Variants in GLDN observed in about 807,000 individuals in gnomAD.
GLDN encodes gliomedin.
A neutral mutation model predicts 56.5 loss-of-function variants in GLDN; 47 were observed. That is an observed-to-expected ratio of 0.83 (90% CI 0.66 to 1.06). The LOEUF is 1.06. GLDN is among the 50% of genes least tolerant of loss of function. The pLI, the probability that GLDN is intolerant of heterozygous loss-of-function variation, is 0.00. For missense variants in GLDN, 782 were observed against 714.3 expected (o/e 1.09, Z -1.08); for synonymous variants, 332 against 278.8 (o/e 1.19, Z -1.90).
chr15:51,389,304 T>A (rs189950914), intron 4 of GLDN, among the ~76,000 whole-genome samples: 4 of 152,308 alleles, frequency 2.6e-5, no homozygotes, highest in Admixed American at 2.6e-4. Context: ...CAATAAATAA[T>A]TGATGAATGA....
At position 51,347,873 on chromosome 15, in the gene GLDN, T is replaced by A. The variant is rs1319851851; in HGVS notation, c.363+5826T>A. Among the ~76,000 whole-genome samples the A allele has an allele frequency of 2.6e-5, 4 of 152,192 alleles. No individual in the cohort carries two copies. The East Asian group carries it at 7.7e-4, about 29-fold the overall frequency. On this transcript the variant is annotated intron_variant, in intron 1 of 9. Coordinates refer to ENST00000335449, the MANE Select transcript of GLDN (RefSeq NM_181789.4). ...TAGCTGTAGAACAAGAATGAGGAAA[T>A]TCTCTATATAATAAGAGTCAGAACA... is the stretch of plus-strand genomic sequence containing the variant.
chr15:51,401,931 C>T (rs2038261265), intron 9 of GLDN, among the ~76,000 whole-genome samples, 188 bp downstream of exon 9: 1 of 152,200 alleles, frequency 6.6e-6, no homozygotes, highest in African/African-American at 2.4e-5. Flanking sequence ...CATGGCCCAG[C>T]CCCTGCCTGG....
intron 1 of GLDN, among the ~76,000 whole-genome samples, chr15:51,365,245 AT>A (rs944580740): frequency 2.6e-5 from 4 of 152,018 alleles, no homozygotes; most frequent in Non-Finnish European, 5.9e-5. Flanking sequence ...TTCATTTGTT[AT>A]TTAAATTTTT....
At position 51,407,254 on chromosome 15, in the gene GLDN, CT is replaced by C. The variant is rs1448475763; in HGVS notation, c.*2503del. The C allele has an allele frequency of 1.3e-5, 2 of 151,746 alleles. No homozygotes were observed. The highest frequency in any genetic ancestry group is 4.8e-5 in the African/African-American group (2 of 41,280). 9.4% of individuals were successfully genotyped at this position (151,746 alleles called of 1,614,324 possible). On this transcript the variant is annotated 3_prime_UTR_variant, in exon 10 of 10. Transcript: ENST00000335449. ...GCAGTGGGTAATCTTATCTGATTGT[CT>C]TTAAAAGTGAAAAGGATTAAGATTT...
At chr15:51,373,622 C>T (rs539052638) in intron 1 of GLDN, among the ~76,000 whole-genome samples, 1 of 152,298 alleles carries the variant, frequency 6.6e-6, no homozygotes, top group South Asian at 2.1e-4. Flanking sequence ...GTGAAGCTCA[C>T]CATGTAAAGA....
rs146814999 is a variant in GLDN at position 51,352,067 on chromosome 15, G to A, written c.363+10020G>A. ...AGGCTGCTATAACTAAATACCATAG[G>A]CTAGGTAGCTTATAAATGACTGAAA... On this transcript the variant is annotated intron_variant, in intron 1 of 9. Coordinates refer to ENST00000335449, the MANE Select transcript of GLDN (RefSeq NM_181789.4). Among the ~76,000 whole-genome samples, 60 of 152,086 alleles carry A rather than the reference G, an allele frequency of 3.9e-4. No individual in the cohort carries two copies. In the East Asian group the frequency reaches 0.01, roughly 26 times the overall value.
At chr15:51,373,122 A>G (rs1324119516) in intron 1 of GLDN, among the ~76,000 whole-genome samples, 1 of 152,194 alleles carries the variant, frequency 6.6e-6, no homozygotes, top group East Asian at 1.9e-4. Flanking sequence ...ATCATAGTAC[A>G]GGAGATGCAG....
In GLDN at chr15:51,404,300, C is replaced by T. The variant is rs371247851; in HGVS notation, c.1202C>T (p.Ser401Phe). The stretch of plus-strand genomic sequence containing the variant: ...AGATTTGAATTTGGCCAGGAAACAT[C>T]CCAAACTCTGAAGCTTGAAAATGCC... ...LVRFEFGQET[S>F]QTLKLENALY... is the part of the protein sequence containing the mutation. Residue 401 changes from serine (S) to phenylalanine (F), a missense_variant, in exon 10 of 10, where the codon TCC becomes TTC. Transcript: ENST00000335449. 4.7e-5 allele frequency: 75 copies of T among 1,598,552 alleles called. No individual in the cohort carries two copies. The highest frequency in any genetic ancestry group is 5.9e-5 in the Non-Finnish European group (69 of 1,173,586).
rs76764530 is a variant in GLDN at position 51,366,678 on chromosome 15, T to G, written c.364-10771T>G. The stretch of plus-strand genomic sequence containing the variant: ...CTGTAATCCCAGGACTGTGGGAGGC[T>G]GACGCAGGATTATTTGAGCCCAGGT... On this transcript the variant is annotated intron_variant, in intron 1 of 9. Transcript: ENST00000335449. Among the ~76,000 whole-genome samples the G allele has an allele frequency of 1.7e-3, 264 of 152,314 alleles. 1 individual carries two copies. The highest frequency in any genetic ancestry group is 6.0e-3 in the African/African-American group (249 of 41,574).
At chr15:51,412,093 A>T (rs2038471316), downstream of GLDN, among the ~76,000 whole-genome samples, 1 of 152,232 alleles carries the variant, frequency 6.6e-6, no homozygotes, top group Non-Finnish European at 1.5e-5. Flanking sequence ...AAATGCTTCA[A>T]GTGTGTTAAC....
chr15:51,410,036 TG>T (rs1232494373), downstream of GLDN, among the ~76,000 whole-genome samples: 1 of 152,176 alleles, frequency 6.6e-6, no homozygotes, highest in African/African-American at 2.4e-5. Flanking sequence ...CAGCACTACT[TG>T]TTACTCTCAA....
chr15:51,400,554 T>TGTGGTAAC, intron 8 of GLDN, 56 bp downstream of exon 8: 1 of 1,566,896 alleles, frequency 6.4e-7, no homozygotes, highest in South Asian at 1.2e-5. Flanking sequence ...TTTTCATCTG[T>TGTGGTAAC]TGCCTACCTT....
intron 1 of GLDN, among the ~76,000 whole-genome samples, chr15:51,345,913 C>T (rs1420918141): frequency 6.6e-6 from 1 of 152,036 alleles, no homozygotes; most frequent in Admixed American, 6.5e-5. Flanking sequence ...ACTAAGAAAT[C>T]AATAGACTTC....
At chr15:51,360,801 A>G (rs550832879) in intron 1 of GLDN, among the ~76,000 whole-genome samples, 123 of 152,310 alleles carry the variant, frequency 8.1e-4, no homozygotes, top group Non-Finnish European at 1.6e-3. Flanking sequence ...AGGGGCCATT[A>G]TATACTTATT....
rs755624810 is a variant in GLDN at position 51,400,320 on chromosome 15, C to T, written c.901+45C>T. The T allele has an allele frequency of 3.1e-6, 5 of 1,613,798 alleles. No homozygotes were observed. In the South Asian group the frequency reaches 5.5e-5, roughly 18 times the overall value. Reference sequence around the variant, plus strand: ...TGTCTTGAAATTCAGAAATTGAATACCTTCAAGTCATAATTGGCAGGCAAG... The same window carrying T: ...TGTCTTGAAATTCAGAAATTGAATATCTTCAAGTCATAATTGGCAGGCAAG... On this transcript the variant is annotated intron_variant, in intron 7 of 9. Coordinates refer to ENST00000335449, the MANE Select transcript of GLDN (RefSeq NM_181789.4).
intron 1 of GLDN, among the ~76,000 whole-genome samples, chr15:51,372,940 G>A (rs1371787214): frequency 6.6e-6 from 1 of 152,132 alleles, no homozygotes; most frequent in Non-Finnish European, 1.5e-5. Context: ...TCATTCCACA[G>A]CAGAAGACAA....
intron 1 of GLDN, among the ~76,000 whole-genome samples, chr15:51,344,971 G>T (rs988294518): frequency 6.6e-6 from 1 of 152,162 alleles, no homozygotes; most frequent in African/African-American, 2.4e-5. Flanking sequence ...GCATACTTTT[G>T]GGAGACAGTA....
chr15:51,408,616 T>C (rs1005968029), downstream of GLDN, among the ~76,000 whole-genome samples: 1 of 152,202 alleles, frequency 6.6e-6, no homozygotes, highest in African/African-American at 2.4e-5. Flanking sequence ...ACATGTGCCA[T>C]GTTGGTGTGC....
intron 1 of GLDN, among the ~76,000 whole-genome samples, chr15:51,370,486 C>T (rs2037493138): frequency 6.6e-6 from 1 of 152,142 alleles, no homozygotes; most frequent in African/African-American, 2.4e-5. Context: ...TACAAGAGTT[C>T]TAGTTCATTC....
Sources: allele counts gnomAD v4.1 joint callset (sites outside exome capture counted in the v4.1 genomes callset), GRCh38; gene constraint gnomAD v4.1.1; transcripts MANE v1.5; gene names NCBI Gene and HGNC (gene_info 2026-07-23, HGNC 2026-07-21).